Variants in NRXN3 observed in about 807,000 individuals in gnomAD.
NRXN3 encodes neurexin 3.
A neutral mutation model predicts 137.6 loss-of-function variants in NRXN3; 32 were observed. The ratio of observed to expected loss-of-function variants is 0.23; its 90% CI spans 0.18 to 0.31. NRXN3 has a LOEUF of 0.31. Among genes scored for constraint, NRXN3 ranks in the 10% least tolerant of loss-of-function variants. The probability of loss-of-function intolerance (pLI) is 1.00; values close to 1 mark genes in which losing one functional copy is unlikely to be tolerated. For synonymous variants in NRXN3, 798 were observed against 784.5 expected (o/e 1.02, Z -0.29); for missense variants, 1,574 against 2,062.5 (o/e 0.76, Z 4.59).
chr14:78,906,499 A>C (rs1244335583), intron 10 of NRXN3, among the ~76,000 whole-genome samples: 1 of 152,038 alleles, frequency 6.6e-6, no homozygotes, highest in Non-Finnish European at 1.5e-5. Context: ...CCCTTTTCTG[A>C]ACACCCTTAA....
chr14:78,463,736 CCA>C (rs2153721724), intron 4 of NRXN3, among the ~76,000 whole-genome samples: 1 of 143,552 alleles, frequency 7.0e-6, no homozygotes, highest in South Asian at 2.4e-4. Flanking sequence ...TCAATAAAGG[CCA>C]CAGAATTCTC....
intron 8 of NRXN3, among the ~76,000 whole-genome samples, chr14:78,788,131 G>A (rs2098794552): frequency 6.6e-6 from 1 of 152,088 alleles, no homozygotes; most frequent in Non-Finnish European, 1.5e-5. Context: ...AGTGGAGCTG[G>A]GACCTCCTAA....
chr14:79,409,276 CA>C (rs999597645), intron 15 of NRXN3, among the ~76,000 whole-genome samples: 18 of 151,562 alleles, frequency 1.2e-4, no homozygotes, highest in Non-Finnish European at 1.2e-4. Flanking sequence ...TTTCAATCAA[CA>C]AAACAGGAGC....
At chr14:79,100,005 G>T (rs1299539638) in intron 15 of NRXN3, among the ~76,000 whole-genome samples, 1 of 152,190 alleles carries the variant, frequency 6.6e-6, no homozygotes, top group Non-Finnish European at 1.5e-5. Flanking sequence ...GACAAAATGT[G>T]TTTAAGTTGA....
chr14:78,670,051 C>T (rs1436270826), intron 6 of NRXN3, among the ~76,000 whole-genome samples: 1 of 151,638 alleles, frequency 6.6e-6, no homozygotes, highest in African/African-American at 2.4e-5. Flanking sequence ...TGATGTTCCT[C>T]TCCCTGTGTC....
At chr14:79,370,305 T>C (rs1181082618) in intron 15 of NRXN3, among the ~76,000 whole-genome samples, 1 of 141,546 alleles carries the variant, frequency 7.1e-6, no homozygotes, top group African/African-American at 2.5e-5. Flanking sequence ...TTGTTTCTGT[T>C]TTTTTGGGTT....
chr14:79,290,850 G>C (rs2083069194), intron 15 of NRXN3, among the ~76,000 whole-genome samples: 1 of 152,074 alleles, frequency 6.6e-6, no homozygotes, highest in Non-Finnish European at 1.5e-5. Flanking sequence ...TTGAAACCCT[G>C]GTTTTAATAA....
At chr14:78,549,023 C>CTA (rs1190899867) in intron 4 of NRXN3, among the ~76,000 whole-genome samples, 1 of 152,206 alleles carries the variant, frequency 6.6e-6, no homozygotes, top group Non-Finnish European at 1.5e-5. Context: ...ACTTCCCAGA[C>CTA]TATACATTGT....
intron 20 of NRXN3, among the ~76,000 whole-genome samples, chr14:79,828,039 G>A (rs529588695): frequency 6.6e-6 from 1 of 152,090 alleles, no homozygotes; most frequent in Non-Finnish European, 1.5e-5. Context: ...CATGAGGACA[G>A]CACCAAGCCA....
At chr14:78,484,199 C>T (rs919645646) in intron 4 of NRXN3, among the ~76,000 whole-genome samples, 1 of 152,090 alleles carries the variant, frequency 6.6e-6, no homozygotes, top group Non-Finnish European at 1.5e-5. Context: ...TAGATAATGA[C>T]AAATAATACA....
rs77969087 is a variant in NRXN3 at position 79,224,832 on chromosome 14, G to A, written c.3262+236691G>A. Among the ~76,000 whole-genome samples the A allele has an allele frequency of 8.0e-3, 1,225 of 152,316 alleles. 33 individuals are homozygous for A. In the South Asian group the frequency reaches 0.085, roughly 11 times the overall value. ...GAAATTGGAATTACTCCGTAGGAAG[G>A]CAAGGATCACCAAGGATTGCTGCCA... On this transcript the variant is annotated intron_variant, in intron 15 of 20. Coordinates refer to ENST00000335750, the MANE Select transcript of NRXN3 (RefSeq NM_001330195.2).
rs1344520679 is a variant in NRXN3, at chr14:79,365,742, AAAG to A, written c.3263-101476_3263-101474del. Among the ~76,000 whole-genome samples the A allele has an allele frequency of 3.8e-4, 54 of 142,616 alleles. 3 individuals carry two copies. The highest frequency in any genetic ancestry group is 5.2e-4 in the African/African-American group (20 of 38,354). The allele number at this position is 142,616 out of a possible 152,430, so 93.6% of individuals were successfully genotyped here. On this transcript the variant is annotated intron_variant, in intron 15 of 20. Transcript: ENST00000335750. ...CTCTGTCTCAAAAAAAAAAAAAAAA[AAAG>A]AAAAAAAAGAAGAGTTTTATTAAAC...
At chr14:79,085,437 A>T (rs1403306134) in intron 15 of NRXN3, among the ~76,000 whole-genome samples, 1 of 152,224 alleles carries the variant, frequency 6.6e-6, no homozygotes, top group Non-Finnish European at 1.5e-5. Context: ...ATAATAAAGA[A>T]GTTTTTGAAC....
chr14:79,564,751 T>C (rs1027176265), intron 16 of NRXN3, among the ~76,000 whole-genome samples: 4 of 150,262 alleles, frequency 2.7e-5, no homozygotes, highest in Non-Finnish European at 6.0e-5. Context: ...GGTATTTTTA[T>C]AGAATTTTAA....
intron 15 of NRXN3, among the ~76,000 whole-genome samples, chr14:79,409,704 G>A (rs1484919362): frequency 6.8e-6 from 1 of 147,690 alleles, no homozygotes; most frequent in Non-Finnish European, 1.5e-5. Flanking sequence ...AGACCCATAT[G>A]ACAATATTAA....
intron 15 of NRXN3, among the ~76,000 whole-genome samples, chr14:79,130,955 T>TTCC (rs1275844074): frequency 6.6e-6 from 1 of 152,212 alleles, no homozygotes; most frequent in South Asian, 2.1e-4. Flanking sequence ...ATACCCTTTC[T>TTCC]TCCAGTTGAT....
In NRXN3 at chr14:79,541,391, C is replaced by T. The variant is rs532689209; in HGVS notation, c.3444+73989C>T. On this transcript the variant is annotated intron_variant, in intron 16 of 20. Coordinates refer to ENST00000335750, the MANE Select transcript of NRXN3 (RefSeq NM_001330195.2). ...TGCACTCCAGCCTGGGCAACAAGAG[C>T]GAAACTCATCTCAAAAAAAAAGATA... 9.2e-5 allele frequency among the ~76,000 whole-genome samples: 14 copies of T among 152,082 alleles called. No individual in the cohort carries two copies. The South Asian group carries it at 1.7e-3, about 18-fold the overall frequency.
At chr14:78,586,668 G>C (rs2152385545) in intron 4 of NRXN3, among the ~76,000 whole-genome samples, 1 of 152,312 alleles carries the variant, frequency 6.6e-6, no homozygotes, top group Non-Finnish European at 1.5e-5. Context: ...TCAGGGACCT[G>C]AGGAAGAAGG....
chr14:78,983,238 G>T (rs887637853), intron 14 of NRXN3, among the ~76,000 whole-genome samples: 1 of 152,176 alleles, frequency 6.6e-6, no homozygotes, highest in African/African-American at 2.4e-5. Context: ...CAGAATGGAG[G>T]TTCCTCAGAA....
Sources: gnomAD v4.1 joint callset for allele counts (sites outside exome capture counted in the v4.1 genomes callset) on GRCh38, gnomAD v4.1.1 for gene constraint, MANE v1.5 for transcripts, NCBI Gene and HGNC (gene_info 2026-07-23, HGNC 2026-07-21) for gene names.